The following DDHD1 variants were observed in gnomAD, a reference collection of about 807,000 sequenced individuals.
DDHD1 encodes DDHD domain containing 1, also known as phospholipase DDHD1.
Under a neutral mutation model 96.4 loss-of-function variants are expected in DDHD1, and 49 were observed. That is an observed-to-expected ratio of 0.51 (90% CI 0.40 to 0.64). The LOEUF is 0.64. Among genes scored for constraint, DDHD1 ranks in the 30% least tolerant of loss-of-function variants. The pLI is 0.00. For synonymous variants in DDHD1, 442 were observed against 446.5 expected (o/e 0.99, Z 0.13); for missense variants, 1,106 against 1,161.2 (o/e 0.95, Z 0.69).
chr14:53,098,960 T>G (rs949018595), intron 2 of DDHD1, among the ~76,000 whole-genome samples: 8 of 152,102 alleles, frequency 5.3e-5, no homozygotes, highest in Admixed American at 1.3e-4. Flanking sequence ...ATTAATTATC[T>G]TATATATACA....
intron 4 of DDHD1, among the ~76,000 whole-genome samples, chr14:53,079,674 T>C (rs1885284538): frequency 6.6e-6 from 1 of 152,212 alleles, no homozygotes; most frequent in Non-Finnish European, 1.5e-5. Flanking sequence ...AGTTAAAATG[T>C]TCTCAACTTT....
At chr14:53,065,645 T>A (rs1460103484) in intron 6 of DDHD1, among the ~76,000 whole-genome samples, 1 of 152,178 alleles carries the variant, frequency 6.6e-6, no homozygotes, top group Non-Finnish European at 1.5e-5. Flanking sequence ...GGAAAATCAT[T>A]AGGGTTCTCC....
intron 4 of DDHD1, among the ~76,000 whole-genome samples, chr14:53,088,716 A>T (rs1201309934): frequency 6.6e-6 from 1 of 152,238 alleles, no homozygotes; most frequent in Admixed American, 6.5e-5. Context: ...CCAATATCAT[A>T]CTGAATGGAC....
At chr14:53,047,842 C>A (rs918167366) in intron 12 of DDHD1, among the ~76,000 whole-genome samples, 2 of 152,114 alleles carry the variant, frequency 1.3e-5, no homozygotes, top group Non-Finnish European at 1.5e-5. Flanking sequence ...ACATTTTGAT[C>A]CTTAGGAACT....
chr14:53,055,355 T>C lies in DDHD1; in HGVS notation c.2245+305A>G, dbSNP rs190207530. Among the ~76,000 whole-genome samples the C allele has an allele frequency of 4.2e-3, 635 of 152,314 alleles. 3 individuals carry two copies. Among genetic ancestry groups the C allele is most frequent in the Non-Finnish European group, 6.6e-3 (451 of 68,032 alleles). ...GATGAGCAAGTAGAGCATTAAAAAC[T>C]ATATTATTTACTCAAGATCTCACAG... On this transcript the variant is annotated intron_variant, in intron 10 of 12. Coordinates refer to ENST00000673822, the MANE Select transcript of DDHD1 (RefSeq NM_001160148.2).
At position 53,103,675 on chromosome 14, in the gene DDHD1, G is replaced by A; in HGVS notation, c.1012+8C>T. The stretch of plus-strand genomic sequence containing the variant: ...GTAGAATATATTAAATGTATCAATT[G>A]ATCTTACCATCTTTTCCATCTATGG... On this transcript the variant is annotated splice_region_variant and intron_variant, in intron 2 of 12. Transcript: ENST00000673822. 6.2e-7 allele frequency: 1 copy of A among 1,601,730 alleles called. No individual in the cohort carries two copies. The highest frequency in any genetic ancestry group is 8.5e-7 in the Non-Finnish European group (1 of 1,174,722).
At chr14:53,122,759 G>A (rs531291058) in intron 1 of DDHD1, among the ~76,000 whole-genome samples, 63 of 151,672 alleles carry the variant, frequency 4.2e-4, no homozygotes, top group Non-Finnish European at 8.1e-4. Flanking sequence ...AGCAGAGATG[G>A]AGTTTCACTA....
chr14:53,049,689 A>G (rs1221397840), intron 12 of DDHD1, among the ~76,000 whole-genome samples: 2 of 150,758 alleles, frequency 1.3e-5, no homozygotes, highest in African/African-American at 4.9e-5. Flanking sequence ...AAGAACATAA[A>G]TTATCACTTC....
Position 53,152,371 on chromosome 14 carries a change from C to A in DDHD1, c.728G>T (p.Gly243Val), listed in dbSNP as rs540969811. The A allele has an allele frequency of 4.3e-6, 7 of 1,613,872 alleles. No individual in the cohort carries two copies. Among genetic ancestry groups the A allele is most frequent in the Non-Finnish European group, 5.1e-6 (6 of 1,179,976 alleles). ...AAGCTCCACCATCTCCGGCTCGTGC[C>A]CCGTCGTACTCTGGCAGAAGCCGCA... ...RACGFCQSTTGHEPEMVELVN... is the reference protein window; with the variant it reads ...RACGFCQSTTVHEPEMVELVN... The change falls in exon 1 of 13, where the codon GGG becomes GTG. Residue 243 changes from glycine to valine, a missense_variant. Physicochemically the swap from Gly to Val is moderately radical, Grantham distance 109. Transcript: ENST00000673822.
chr14:53,096,041 C>A, intron 2 of DDHD1: 2 of 748,718 alleles, frequency 2.7e-6, no homozygotes, highest in Middle Eastern at 6.8e-4. Context: ...CTAATAATTT[C>A]TATGCTTTAA....
At chr14:53,151,122 TTG>T (rs1891322725) in intron 1 of DDHD1, among the ~76,000 whole-genome samples, 1 of 152,228 alleles carries the variant, frequency 6.6e-6, no homozygotes, top group Admixed American at 6.5e-5. Context: ...TGAATATATA[TTG>T]CACTAGGCCC....
At chr14:53,152,113 G>GAATGAAGTGGTGTAGAT in intron 1 of DDHD1, 148 bp downstream of exon 1, 2 of 833,740 alleles carry the variant, frequency 2.4e-6, no homozygotes, top group Admixed American at 6.4e-5. Context: ...AGCTGCCGAC[G>GAATGAAGTGGTGTAGAT]CTCCCTGCTC....
At position 53,117,547 on chromosome 14, in the gene DDHD1, G is replaced by A. The variant is rs149067374; in HGVS notation, c.839-13691C>T. ...CCACGGAGCCTTGCTCACTGCTAGC[G>A]CAACAGTCTGAGATCAACCTTTGAG... On this transcript the variant is annotated intron_variant, in intron 1 of 12. Coordinates refer to ENST00000673822, the MANE Select transcript of DDHD1 (RefSeq NM_001160148.2). 3.6e-3 allele frequency among the ~76,000 whole-genome samples: 542 copies of A among 152,292 alleles called. 2 individuals are homozygous for A. Among genetic ancestry groups the A allele is most frequent in the African/African-American group, 0.012 (516 of 41,574 alleles).
intron 1 of DDHD1, among the ~76,000 whole-genome samples, chr14:53,130,601 G>A (rs1160977663): frequency 6.6e-6 from 1 of 152,164 alleles, no homozygotes. Flanking sequence ...CAGCACACAA[G>A]AACTTCAAAA....
chr14:53,083,795 C>G (rs1357750252), intron 4 of DDHD1, among the ~76,000 whole-genome samples: 1 of 152,114 alleles, frequency 6.6e-6, no homozygotes, highest in African/African-American at 2.4e-5. Context: ...TTTTATTATG[C>G]AGAATTCCTT....
chr14:53,151,178 A>G (rs1239221180), intron 1 of DDHD1, among the ~76,000 whole-genome samples: 1 of 152,208 alleles, frequency 6.6e-6, no homozygotes, highest in East Asian at 1.9e-4. Flanking sequence ...GCCGATGGTA[A>G]GGTCCTAACA....
chr14:53,142,160 A>G (rs1890683971), intron 1 of DDHD1, among the ~76,000 whole-genome samples: 1 of 152,264 alleles, frequency 6.6e-6, no homozygotes, highest in African/African-American at 2.4e-5. Context: ...CCAAAGGCAT[A>G]TAACTATGGT....
At chr14:53,058,934 T>A (rs1307960368) in intron 8 of DDHD1, among the ~76,000 whole-genome samples, 1 of 152,180 alleles carries the variant, frequency 6.6e-6, no homozygotes, top group Non-Finnish European at 1.5e-5. Flanking sequence ...TGTGAAGTAA[T>A]ACACTCGGTG....
At position 53,041,190 on chromosome 14, in the gene DDHD1, T is replaced by C. The variant is rs974079282; in HGVS notation, c.*5578A>G. ...TCCAACAGAAGACCAGATGTAATCT[T>C]CCTAAAGAATATTCCCCAACATATC... is the stretch of plus-strand genomic sequence containing the variant. On this transcript the variant is annotated 3_prime_UTR_variant, in exon 13 of 13. Transcript: ENST00000673822. 2.6e-5 allele frequency: 4 copies of C among 152,090 alleles called. No individual in the cohort carries two copies. The highest frequency in any genetic ancestry group is 5.9e-5 in the Non-Finnish European group (4 of 68,022). The allele number at this position is 152,090 out of a possible 1,614,324, so 9.4% of individuals were successfully genotyped here. A position where few individuals can be genotyped will look rare whatever the true frequency, so the allele number is the denominator to read the frequency against.
Sources: gnomAD v4.1 joint callset for allele counts (sites outside exome capture counted in the v4.1 genomes callset) on GRCh38, gnomAD v4.1.1 for gene constraint, MANE v1.5 for transcripts, NCBI Gene and HGNC (gene_info 2026-07-23, HGNC 2026-07-21) for gene names.